Variants in RNF44 observed in about 807,000 individuals in gnomAD.
RNF44 encodes ring finger protein 44.
RNF44 carries 25 observed loss-of-function variants against 53.6 expected under a neutral mutation model. The observed-to-expected ratio is 0.47, with a 90% confidence interval of 0.34 to 0.65. The LOEUF is 0.65. RNF44 is among the 30% of genes least tolerant of loss of function. The pLI, the probability that RNF44 is intolerant of heterozygous loss-of-function variation, is 0.01. For missense variants in RNF44, 581 were observed against 595.5 expected (o/e 0.98, Z 0.25); for synonymous variants, 282 against 252.2 (o/e 1.12, Z -1.12).
At chr5:176,539,182 C>G (rs1299662895), upstream of RNF44, among the ~76,000 whole-genome samples, 2 of 152,218 alleles carry the variant, frequency 1.3e-5, no homozygotes, top group African/African-American at 4.8e-5. Flanking sequence ...CGGCAGATCT[C>G]TAAGCAACAC....
upstream of RNF44, chr5:176,537,987 G>A (rs1448427100): frequency 6.6e-6 from 1 of 152,162 alleles, no homozygotes; most frequent in African/African-American, 2.4e-5. Flanking sequence ...TTGCCCAACA[G>A]ACCAATGGCG....
chr5:176,535,023 C>T (rs2113174199), intron 1 of RNF44, among the ~76,000 whole-genome samples: 1 of 152,276 alleles, frequency 6.6e-6, no homozygotes, highest in Non-Finnish European at 1.5e-5. Flanking sequence ...ACAAAGGCAC[C>T]CACTCCCCAG....
rs1358022364 is a variant in RNF44 at position 176,528,808 on chromosome 5, C to T, written c.*220G>A. The stretch of plus-strand genomic sequence containing the variant: ...GACACTCAGGCAGCTCCGTGGCGGG[C>T]GGGCAGGCAGGCAGACTAGGGAGGG... On this transcript the variant is annotated 3_prime_UTR_variant, in exon 11 of 11. Coordinates refer to ENST00000274811, the MANE Select transcript of RNF44 (RefSeq NM_014901.5). 12 of 584,570 alleles carry T rather than the reference C, an allele frequency of 2.1e-5. No homozygotes were observed. Among genetic ancestry groups the T allele is most frequent in the Admixed American group, 1.6e-4 (5 of 32,064 alleles). 36.2% of individuals were successfully genotyped at this position (584,570 alleles called of 1,614,324 possible).
Position 176,527,372 on chromosome 5 carries a change from C to CA in RNF44, c.*1655dup, listed in dbSNP as rs1404517658. 1.3e-5 allele frequency: 2 copies of CA among 152,564 alleles called. No individual in the cohort carries two copies. The highest frequency in any genetic ancestry group is 4.8e-5 in the African/African-American group (2 of 41,430). The allele number at this position is 152,564 out of a possible 1,614,324, so 9.5% of individuals were successfully genotyped here. On this transcript the variant is annotated 3_prime_UTR_variant, in exon 11 of 11. Coordinates refer to ENST00000274811, the MANE Select transcript of RNF44 (RefSeq NM_014901.5). ...TGGAATCACTGCTGCAGCCGACACA[C>CA]AATCTGTGAGCCTGTTTCCGCCTGC... is the stretch of plus-strand genomic sequence containing the variant.
Position 176,530,463 on chromosome 5 carries a change from G to C in RNF44, c.801+119C>G, listed in dbSNP as rs897073813. The C allele has an allele frequency of 3.5e-6, 4 of 1,155,780 alleles. No individual in the cohort carries two copies. In the East Asian group the frequency reaches 1.3e-4, roughly 37 times the overall value. 71.6% of individuals were successfully genotyped at this position (1,155,780 alleles called of 1,614,324 possible). ...GCCTCCCAGCCGCCCCGGAGCCCAC[G>C]TGCAAGTCAGCCCGGTGGGCCTGCC... is the stretch of plus-strand genomic sequence containing the variant. On this transcript the variant is annotated intron_variant, in intron 6 of 10. Transcript: ENST00000274811.
rs1756166081 is a variant in RNF44 at position 176,527,839 on chromosome 5, C to T, written c.*1189G>A. On this transcript the variant is annotated 3_prime_UTR_variant, in exon 11 of 11. Transcript: ENST00000274811. The stretch of plus-strand genomic sequence containing the variant: ...AGGACAGGGATCAGGCTGGGAAGGC[C>T]CCCTGGAGATGGGGGTCCACAGCCT... The T allele has an allele frequency of 6.6e-6, 1 of 152,348 alleles. No individual in the cohort carries two copies. Among genetic ancestry groups the T allele is most frequent in the South Asian group, 2.1e-4 (1 of 4,832 alleles). 9.4% of individuals were successfully genotyped at this position (152,348 alleles called of 1,614,324 possible).
rs1756645781 is a variant in RNF44 at position 176,531,409 on chromosome 5, G to A, written c.465+54C>T. On this transcript the variant is annotated intron_variant, in intron 4 of 10. Coordinates refer to ENST00000274811, the MANE Select transcript of RNF44 (RefSeq NM_014901.5). The surrounding 1 kb of genome is among the most constrained non-coding windows in gnomAD (Gnocchi z 4.2). ...CTGCCCTGGGCCCGCTGAGCCGCTGGCCTGTGCCTGGGGCTTGCAGCTGGT... is the reference window on the plus strand; with the variant it reads ...CTGCCCTGGGCCCGCTGAGCCGCTGACCTGTGCCTGGGGCTTGCAGCTGGT... The A allele has an allele frequency of 1.5e-5, 22 of 1,511,438 alleles. No individual in the cohort carries two copies. Among genetic ancestry groups the A allele is most frequent in the Non-Finnish European group, 1.8e-5 (20 of 1,125,038 alleles). 93.6% of individuals were successfully genotyped at this position (1,511,438 alleles called of 1,614,324 possible).
chr5:176,529,624 C>A lies in RNF44; in HGVS notation c.1035G>T (p.Glu345Asp). 1.9e-6 allele frequency: 3 copies of A among 1,613,944 alleles called. No individual in the cohort carries two copies. Among genetic ancestry groups the A allele is most frequent in the Non-Finnish European group, 2.5e-6 (3 of 1,179,996 alleles). The change falls in exon 9 of 11, where the codon GAG (glutamate) becomes GAT (aspartate). Residue 345 changes from glutamate to aspartate, a missense_variant. Glu to Asp is a conservative substitution (Grantham distance 45). Transcript: ENST00000274811. ...ENYEALLNLA[E>D]RLGDAKPRGL... Reference sequence around the variant, plus strand: ...CCCGGGGCTTGGCATCTCCCAGCCGCTCGGCCAGGTTCAGGAGGGCCTGCA... The same window carrying A: ...CCCGGGGCTTGGCATCTCCCAGCCGATCGGCCAGGTTCAGGAGGGCCTGCA...
rs915765325 is a variant in RNF44, at chr5:176,529,471, C to T, written c.1136+52G>A. 1.4e-5 allele frequency: 22 copies of T among 1,608,520 alleles called. No individual in the cohort carries two copies. In the South Asian group the frequency reaches 2.1e-4, roughly 15 times the overall value. On this transcript the variant is annotated intron_variant, in intron 9 of 10. Transcript: ENST00000274811. ...GTGTGACTCCCCTGAGAGGGGCGTCCCACGGCAGCCAGCTGTGTTCAGAGG... is the reference window on the plus strand; with the variant it reads ...GTGTGACTCCCCTGAGAGGGGCGTCTCACGGCAGCCAGCTGTGTTCAGAGG...
In RNF44 at chr5:176,530,138, C is replaced by CGGGGG; in HGVS notation, c.865_869dup (p.Pro292ArgfsTer52). ...GTGGTGGGGGTGGGGGTGGGGGCGGCGGGGGCAGTGGCTGCTGCAGGCGGT... is the reference window on the plus strand; with the variant it reads ...GTGGTGGGGGTGGGGGTGGGGGCGGCGGGGGGGGGGCAGTGGCTGCTGCAGGCGGT... On this transcript the variant is annotated frameshift_variant, in exon 7 of 11. Transcript: ENST00000274811. LOFTEE classifies it high-confidence loss of function. 7.0e-6 allele frequency: 1 copy of CGGGGG among 143,708 alleles called. No homozygotes were observed. Among genetic ancestry groups the CGGGGG allele is most frequent in the South Asian group, 3.0e-4 (1 of 3,294 alleles). 8.9% of individuals were successfully genotyped at this position (143,708 alleles called of 1,614,324 possible).
At position 176,537,013 on chromosome 5, in the gene RNF44, A is replaced by AGGGGGGGGGG. The variant is rs61169311; in HGVS notation, c.-119_-118insCCCCCCCCCC. ...GGCCAAACTGGGCAGGGGGCGGGGG[A>AGGGGGGGGGG]GGGGGGGGGTGCCTGTCTGGATCCT... is the stretch of plus-strand genomic sequence containing the variant. On this transcript the variant is annotated 5_prime_UTR_variant, in exon 1 of 11. Transcript: ENST00000274811. The AGGGGGGGGGG allele has an allele frequency of 1.3e-5, 1 of 77,474 alleles. No homozygotes were observed. The highest frequency in any genetic ancestry group is 2.5e-5 in the Non-Finnish European group (1 of 39,958). The allele number at this position is 77,474 out of a possible 1,614,324, so 4.8% of individuals were successfully genotyped here. A position where few individuals can be genotyped will look rare whatever the true frequency, so the allele number is the denominator to read the frequency against.
intron 1 of RNF44, among the ~76,000 whole-genome samples, chr5:176,534,984 G>T (rs1757024965): frequency 6.6e-6 from 1 of 152,252 alleles, no homozygotes; most frequent in East Asian, 1.9e-4. Context: ...GCCCAGGCCT[G>T]TGGGTGTCTG....
chr5:176,535,862 G>C (rs180951198), intron 1 of RNF44: 1 of 152,338 alleles, frequency 6.6e-6, no homozygotes, highest in African/African-American at 2.4e-5. Flanking sequence ...AGCTCTGTGT[G>C]AACGGGTCTT....
Position 176,529,812 on chromosome 5 carries a change from C to T in RNF44, c.933G>A (p.Met311Ile). 6.2e-7 allele frequency: 1 copy of T among 1,602,638 alleles called. No homozygotes were observed. Among genetic ancestry groups the T allele is most frequent in the South Asian group, 1.1e-5 (1 of 88,790 alleles). The change falls in exon 8 of 11, where the codon ATG (methionine) becomes ATA (isoleucine). Residue 311 changes from methionine (M) to isoleucine (I), a missense_variant. Coordinates refer to ENST00000274811, the MANE Select transcript of RNF44 (RefSeq NM_014901.5). The part of the protein sequence containing the change: ...YPSFLPYFLS[M>I]LPMSPTAMGP... ...CCATTGCTGTTGGTGACATTGGCAG[C>T]ATCGAGCTAGAGAGAGACAAGTGTG...
chr5:176,538,919 G>T (rs1757377634), upstream of RNF44, among the ~76,000 whole-genome samples: 1 of 152,168 alleles, frequency 6.6e-6, no homozygotes, highest in African/African-American at 2.4e-5. Context: ...TGGGTCAGTA[G>T]GATAGACTAT....
rs946205560 is a variant in RNF44 at position 176,531,177 on chromosome 5, C to A, written c.466-156G>T. The stretch of plus-strand genomic sequence containing the variant: ...GTGGAAGGCCCATCCCTGTCCTAGG[C>A]CACCCAGGCAGGACACTCCACTGTT... On this transcript the variant is annotated intron_variant, in intron 4 of 10. Coordinates refer to ENST00000274811, the MANE Select transcript of RNF44 (RefSeq NM_014901.5). The surrounding 1 kb of genome is among the most constrained non-coding windows in gnomAD (Gnocchi z 4.2). Among the ~76,000 whole-genome samples, 5 of 152,352 alleles carry A rather than the reference C, an allele frequency of 3.3e-5. No individual in the cohort carries two copies. Among genetic ancestry groups the A allele is most frequent in the African/African-American group, 1.2e-4 (5 of 41,572 alleles).
intron 1 of RNF44, among the ~76,000 whole-genome samples, chr5:176,533,499 G>A (rs1352709087): frequency 6.6e-6 from 1 of 152,216 alleles, no homozygotes; most frequent in East Asian, 1.9e-4. Context: ...GTGCTCTGCT[G>A]CCGACGGAGA....
chr5:176,542,276 G>C (rs1757465111), upstream of RNF44, among the ~76,000 whole-genome samples: 1 of 152,158 alleles, frequency 6.6e-6, no homozygotes, highest in Admixed American at 6.5e-5. Flanking sequence ...TGGTTAGCCT[G>C]TGACCTTGGG....
At chr5:176,533,475 G>T (rs1287736452) in intron 1 of RNF44, among the ~76,000 whole-genome samples, 1 of 152,210 alleles carries the variant, frequency 6.6e-6, no homozygotes, top group Non-Finnish European at 1.5e-5. Flanking sequence ...GTGGGCCAAA[G>T]AAAGCCTCTC....
Sources: gnomAD v4.1 joint callset for allele counts (sites outside exome capture counted in the v4.1 genomes callset) on GRCh38, gnomAD v4.1.1 for gene constraint, Gnocchi (gnomAD v3.1) non-coding constraint, MANE v1.5 for transcripts, NCBI Gene and HGNC (gene_info 2026-07-23, HGNC 2026-07-21) for gene names.